The following TRAPPC8 variants were observed in gnomAD, a reference collection of about 807,000 sequenced individuals.
The protein encoded by TRAPPC8 is trafficking protein particle complex subunit 8.
Under a neutral mutation model 174.3 loss-of-function variants are expected in TRAPPC8, and 54 were observed. The observed-to-expected ratio is 0.31, with a 90% CI of 0.25 to 0.39. The LOEUF is 0.39. Ranked by LOEUF, TRAPPC8 falls within the 10% of genes least tolerant of loss-of-function variation. TRAPPC8 has a pLI of 1.00. For synonymous variants in TRAPPC8, 630 were observed against 579.9 expected, an observed-to-expected ratio of 1.09 and a Z score of -1.24; for missense variants, 1,531 against 1,699.1, an observed-to-expected ratio of 0.90 and a Z score of 1.74.
chr18:31,864,859 T>C (rs185077806), intron 18 of TRAPPC8, 78 bp from the exon 19 acceptor site: 6 of 1,244,010 alleles, frequency 4.8e-6, no homozygotes, highest in African/African-American at 4.6e-5. Context: ...TATGTGAATA[T>C]TGTAAGTTTC....
Position 31,834,209 on chromosome 18 carries a change from A to C in TRAPPC8, c.3984-2036T>G, listed in dbSNP as rs533342512. Among the ~76,000 whole-genome samples, 11 of 151,854 alleles carry C rather than the reference A, an allele frequency of 7.2e-5. No homozygotes were observed. In the South Asian group the frequency reaches 2.1e-3, roughly 29 times the overall value. ...ACTGCACCCTCAGCTTCCCAGGTTC[A>C]AGCTATTCTGCCTCAGCCTCCCCAG... On this transcript the variant is annotated intron_variant, in intron 27 of 28. Transcript: ENST00000283351.
At position 31,908,894 on chromosome 18, in the gene TRAPPC8, T is replaced by C; in HGVS notation, c.982A>G (p.Lys328Glu). 6.2e-7 allele frequency: 1 copy of C among 1,613,850 alleles called. No individual in the cohort carries two copies. Among genetic ancestry groups the C allele is most frequent in the Non-Finnish European group, 8.5e-7 (1 of 1,179,814 alleles). ...LRSASSLHET[K>E]KGNTGIIHGA... ...TGAATTATTCCAGTATTTCCTTTCTTTGTTTCATGTAACGATGAAGCAGAT... is the reference window on the plus strand; with the variant it reads ...TGAATTATTCCAGTATTTCCTTTCTCTGTTTCATGTAACGATGAAGCAGAT... The change falls in exon 7 of 29, where the codon AAG (lysine) becomes GAG (glutamate). Residue 328 changes from lysine to glutamate, a missense_variant. Coordinates refer to ENST00000283351, the MANE Select transcript of TRAPPC8 (RefSeq NM_014939.5).
At chr18:31,934,416 A>G (rs1378322503) in intron 1 of TRAPPC8, among the ~76,000 whole-genome samples, 22 of 152,154 alleles carry the variant, frequency 1.4e-4, no homozygotes, top group Non-Finnish European at 5.9e-5. Context: ...GCATTCTTCT[A>G]TAACTGTTAT....
chr18:31,860,611 T>C (rs2034277236), intron 19 of TRAPPC8, among the ~76,000 whole-genome samples: 1 of 152,212 alleles, frequency 6.6e-6, no homozygotes, highest in Admixed American at 6.5e-5. Flanking sequence ...TTCCATAAAA[T>C]ATTTCTGAAA....
At chr18:31,930,122 C>CTT (rs763334461) in intron 2 of TRAPPC8, among the ~76,000 whole-genome samples, 2 of 144,398 alleles carry the variant, frequency 1.4e-5, no homozygotes, top group Non-Finnish European at 1.5e-5. Flanking sequence ...TTAGGAAAAA[C>CTT]TTTTTTTTTT....
At chr18:31,834,423 T>G (rs1374381483) in intron 27 of TRAPPC8, among the ~76,000 whole-genome samples, 8 of 152,160 alleles carry the variant, frequency 5.3e-5, no homozygotes, top group African/African-American at 1.7e-4. Flanking sequence ...GGACCACATT[T>G]TGAAAACTGC....
At chr18:31,858,013 G>T (rs1236514372) in intron 19 of TRAPPC8, 31 bp from the exon 20 acceptor site, 1 of 1,522,590 alleles carries the variant, frequency 6.6e-7, no homozygotes, top group South Asian at 1.3e-5. Flanking sequence ...ATTATTATTT[G>T]TCTGTTAAAA....
chr18:31,839,799 C>A (rs2032988090), intron 26 of TRAPPC8, among the ~76,000 whole-genome samples: 1 of 152,136 alleles, frequency 6.6e-6, no homozygotes, highest in African/African-American at 2.4e-5. Context: ...ATAATAACTT[C>A]AAAGGTTGTT....
At chr18:31,887,755 A>G (rs2035785310) in intron 12 of TRAPPC8, among the ~76,000 whole-genome samples, 1 of 149,722 alleles carries the variant, frequency 6.7e-6, no homozygotes, top group Non-Finnish European at 1.5e-5. Flanking sequence ...AGCACAAGAC[A>G]AGGATGCCCT....
At chr18:31,881,840 T>C (rs919890911) in intron 12 of TRAPPC8, among the ~76,000 whole-genome samples, 1 of 152,128 alleles carries the variant, frequency 6.6e-6, no homozygotes, top group Non-Finnish European at 1.5e-5. Context: ...CGTAAGGTAC[T>C]TCTCAAAAGA....
intron 27 of TRAPPC8, among the ~76,000 whole-genome samples, chr18:31,834,669 C>T (rs1415381784): frequency 6.6e-6 from 1 of 152,182 alleles, no homozygotes; most frequent in Non-Finnish European, 1.5e-5. Context: ...AGAATGGTGA[C>T]TAGCACATGT....
At chr18:31,897,746 A>G in intron 11 of TRAPPC8, 40 bp downstream of exon 11, 1 of 1,353,280 alleles carries the variant, frequency 7.4e-7, no homozygotes, top group African/African-American at 1.5e-5. Context: ...AAAAAAAAAG[A>G]ACAATGCTAA....
rs34167680 is a variant in TRAPPC8 at position 31,855,815 on chromosome 18, TAAAA to T, written c.3189-12_3189-9del. On this transcript the variant is annotated splice_polypyrimidine_tract_variant and intron_variant, in intron 20 of 28. Transcript: ENST00000283351. ...TGTCTTAATATTCTGTGCCTGAAGT[TAAAA>T]AAAAAAAAAAAAGCACATTTAAGCA... 605 of 1,492,600 alleles carry T rather than the reference TAAAA, an allele frequency of 4.1e-4. No individual in the cohort carries two copies. Among genetic ancestry groups the T allele is most frequent in the Admixed American group, 2.4e-3 (98 of 40,400 alleles). 92.5% of individuals were successfully genotyped at this position (1,492,600 alleles called of 1,614,324 possible).
At chr18:31,930,181 G>A (rs573726990) in intron 2 of TRAPPC8, among the ~76,000 whole-genome samples, 36 of 151,096 alleles carry the variant, frequency 2.4e-4, no homozygotes, top group African/African-American at 8.5e-4. Context: ...GTGCCATGGT[G>A]CCATCTTGGC....
intron 9 of TRAPPC8, 46 bp downstream of exon 9, chr18:31,907,414 T>C (rs2036710148): frequency 6.6e-7 from 1 of 1,509,206 alleles, no homozygotes; most frequent in East Asian, 2.3e-5. Flanking sequence ...TTCTAAATAA[T>C]TTATGGTAGC....
At chr18:31,915,325 G>A (rs542028739) in intron 4 of TRAPPC8, among the ~76,000 whole-genome samples, 2 of 151,986 alleles carry the variant, frequency 1.3e-5, no homozygotes, top group Non-Finnish European at 2.9e-5. Flanking sequence ...GCCGGGCGTA[G>A]TGTCATGTGC....
chr18:31,900,886 T>C, intron 10 of TRAPPC8, 39 bp downstream of exon 10: 1 of 1,464,120 alleles, frequency 6.8e-7, no homozygotes, highest in Non-Finnish European at 9.2e-7. Context: ...CAAACTGACC[T>C]TTAACTGGAT....
At chr18:31,846,277 T>C (rs924655448) in intron 26 of TRAPPC8, among the ~76,000 whole-genome samples, 2 of 152,090 alleles carry the variant, frequency 1.3e-5, no homozygotes, top group Admixed American at 6.6e-5. Flanking sequence ...AATACCAATA[T>C]AAAAACCTGA....
chr18:31,932,842 C>A (rs2037906172), intron 1 of TRAPPC8, among the ~76,000 whole-genome samples: 1 of 151,112 alleles, frequency 6.6e-6, no homozygotes. Context: ...AGTAGCCAGG[C>A]ATGGTGGCGG....
Sources: gnomAD v4.1 joint callset for allele counts (sites outside exome capture counted in the v4.1 genomes callset) on GRCh38, gnomAD v4.1.1 for gene constraint, MANE v1.5 for transcripts, NCBI Gene and HGNC (gene_info 2026-07-23, HGNC 2026-07-21) for gene names.